Variants in GABBR2 observed in about 807,000 individuals in gnomAD.
GABBR2 encodes gamma-aminobutyric acid type B receptor subunit 2, also known as G-protein coupled receptor 51.
Under a neutral mutation model 105.6 loss-of-function variants are expected in GABBR2, and 23 were observed. That is an observed-to-expected ratio of 0.22 (90% CI 0.16 to 0.31). The LOEUF is 0.31. Among genes scored for constraint, GABBR2 ranks in the 10% least tolerant of loss-of-function variants. The pLI is 1.00. For missense variants in GABBR2, 734 were observed against 1,245.5 expected, an observed-to-expected ratio of 0.59 and a Z score of 6.18; for synonymous variants, 478 against 499.7, an observed-to-expected ratio of 0.96 and a Z score of 0.58.
At chr9:98,668,672 C>T (rs773770133) in intron 1 of GABBR2, among the ~76,000 whole-genome samples, 14 of 152,134 alleles carry the variant, frequency 9.2e-5, no homozygotes, top group Non-Finnish European at 1.5e-4. Context: ...ACACTGACTC[C>T]CAATTCTCCC....
chr9:98,685,176 C>T (rs982289136), intron 1 of GABBR2, among the ~76,000 whole-genome samples: 5 of 152,236 alleles, frequency 3.3e-5, no homozygotes, highest in Non-Finnish European at 7.3e-5. Context: ...ATCTGTCTCC[C>T]GTGCCGGATG....
At chr9:98,671,682 T>A (rs554390630) in intron 1 of GABBR2, among the ~76,000 whole-genome samples, 1 of 152,188 alleles carries the variant, frequency 6.6e-6, no homozygotes, top group African/African-American at 2.4e-5. Context: ...ATTTTAGCCA[T>A]CCTGGTGGGT....
chr9:98,700,693 T>G (rs140380822), intron 1 of GABBR2, among the ~76,000 whole-genome samples: 418 of 152,330 alleles, frequency 2.7e-3, no homozygotes, highest in Non-Finnish European at 4.9e-3. Flanking sequence ...ATGCTCCTTA[T>G]GTTTCCCAGC....
intron 7 of GABBR2, among the ~76,000 whole-genome samples, chr9:98,429,571 C>T (rs1252489724): frequency 2.0e-5 from 3 of 152,178 alleles, no homozygotes; most frequent in African/African-American, 7.2e-5. Context: ...AGGCGATACA[C>T]TATGATTAAT....
chr9:98,448,541 C>G (rs867321092), intron 7 of GABBR2, among the ~76,000 whole-genome samples: 10 of 152,146 alleles, frequency 6.6e-5, no homozygotes, highest in Non-Finnish European at 1.2e-4. Flanking sequence ...CTCAGCCTTC[C>G]AAGTAGCTGA....
intron 1 of GABBR2, among the ~76,000 whole-genome samples, chr9:98,595,675 A>G (rs1260530563): frequency 7.9e-6 from 1 of 126,754 alleles, no homozygotes; most frequent in East Asian, 2.7e-4. Flanking sequence ...AACAAAAACA[A>G]AAAAACTAAA....
chr9:98,648,080 GGTGT>G (rs1554723457), intron 1 of GABBR2, among the ~76,000 whole-genome samples: 8 of 68,016 alleles, frequency 1.2e-4, no homozygotes, highest in South Asian at 6.0e-4. Flanking sequence ...AATCATACAG[GGTGT>G]GTGTGTGTGT....
At chr9:98,610,056 C>T (rs536032431) in intron 1 of GABBR2, among the ~76,000 whole-genome samples, 40 of 152,342 alleles carry the variant, frequency 2.6e-4, no homozygotes, top group Admixed American at 7.2e-4. Flanking sequence ...AACCAAACTC[C>T]TGTCCTCCCT....
intron 3 of GABBR2, among the ~76,000 whole-genome samples, chr9:98,516,497 T>C (rs528405752): frequency 8.5e-5 from 13 of 152,160 alleles, no homozygotes; most frequent in Non-Finnish European, 1.6e-4. Context: ...GAGCTGGGAC[T>C]CAAACCCAGT....
At chr9:98,630,584 T>C (rs1829802727) in intron 1 of GABBR2, among the ~76,000 whole-genome samples, 2 of 151,894 alleles carry the variant, frequency 1.3e-5, no homozygotes, top group Admixed American at 6.6e-5. Flanking sequence ...AGCAAGAGGG[T>C]AGAGAAATGA....
At chr9:98,381,919 C>A (rs1684004936) in intron 11 of GABBR2, among the ~76,000 whole-genome samples, 1 of 152,136 alleles carries the variant, frequency 6.6e-6, no homozygotes. Context: ...TGGGGGATGT[C>A]CCTGTTTTTG....
intron 6 of GABBR2, among the ~76,000 whole-genome samples, chr9:98,471,498 T>C (rs563910793): frequency 1.6e-4 from 24 of 152,382 alleles, no homozygotes; most frequent in African/African-American, 5.5e-4. Flanking sequence ...ATGATCTTCC[T>C]ACAATGCACT....
chr9:98,453,862 AG>A lies in GABBR2; in HGVS notation c.1236+118del, dbSNP rs1826277715. The stretch of plus-strand genomic sequence containing the variant: ...CCCTGCAATCCTAGGGCCTGCAATT[AG>A]TTATTTCAATGATCAGAGATAACAG... On this transcript the variant is annotated intron_variant, in intron 7 of 18. Coordinates refer to ENST00000259455, the MANE Select transcript of GABBR2 (RefSeq NM_005458.8). 4.0e-6 allele frequency: 3 copies of A among 758,646 alleles called. No individual in the cohort carries two copies. In the Admixed American group the frequency reaches 5.9e-5, roughly 15 times the overall value. The allele number at this position is 758,646 out of a possible 1,614,324, so 47.0% of individuals were successfully genotyped here. A position where few individuals can be genotyped will look rare whatever the true frequency, so the allele number is the denominator to read the frequency against.
chr9:98,659,794 T>C (rs1017774314), intron 1 of GABBR2, among the ~76,000 whole-genome samples: 9 of 152,078 alleles, frequency 5.9e-5, no homozygotes, highest in Admixed American at 5.2e-4. Context: ...GTGTTGGGAT[T>C]ACAGGTGTGA....
At position 98,388,278 on chromosome 9, in the gene GABBR2, G is replaced by A. The variant is rs542076893; in HGVS notation, c.1529+576C>T. ...TGCCACGAGTGGACAGCAGCACTCT[G>A]TCGCTGAACTTCAGGGCTTTTCTCT... On this transcript the variant is annotated intron_variant, in intron 10 of 18. Transcript: ENST00000259455. The surrounding 1 kb of genome is among the most constrained non-coding windows in gnomAD (Gnocchi z 4.4). Among the ~76,000 whole-genome samples the A allele has an allele frequency of 2.6e-4, 39 of 152,302 alleles. No homozygotes were observed. Among genetic ancestry groups the A allele is most frequent in the African/African-American group, 9.4e-4 (39 of 41,558 alleles).
chr9:98,474,853 C>A (rs1047835858), intron 5 of GABBR2, among the ~76,000 whole-genome samples: 2 of 152,164 alleles, frequency 1.3e-5, no homozygotes, highest in African/African-American at 4.8e-5. Context: ...CAGAGGGGCA[C>A]TCTCCTCATC....
intron 4 of GABBR2, among the ~76,000 whole-genome samples, chr9:98,485,195 G>T (rs1827017768): frequency 6.6e-6 from 1 of 152,162 alleles, no homozygotes; most frequent in Non-Finnish European, 1.5e-5. Flanking sequence ...CAGGTCTAGG[G>T]TTGGAGACCA....
chr9:98,512,300 CAT>C (rs1373383500), intron 3 of GABBR2, among the ~76,000 whole-genome samples: 14 of 143,098 alleles, frequency 9.8e-5, no homozygotes, highest in Non-Finnish European at 2.0e-4. Context: ...CAGCCAATAT[CAT>C]ATTGAATGGG....
chr9:98,513,067 A>G (rs1827683840), intron 3 of GABBR2, among the ~76,000 whole-genome samples: 1 of 152,178 alleles, frequency 6.6e-6, no homozygotes, highest in Non-Finnish European at 1.5e-5. Context: ...GATATAGACC[A>G]ATGGAACAGA....
Sources: allele counts gnomAD v4.1 joint callset (sites outside exome capture counted in the v4.1 genomes callset), GRCh38; gene constraint gnomAD v4.1.1; non-coding constraint Gnocchi (gnomAD v3.1); transcripts MANE v1.5; gene names NCBI Gene and HGNC (gene_info 2026-07-23, HGNC 2026-07-21).